Variants in ADAM10 observed in about 807,000 individuals in gnomAD.
The protein encoded by ADAM10 is ADAM metallopeptidase domain 10, also known as disintegrin and metalloproteinase domain-containing protein 10.
In ADAM10, 17 loss-of-function variants were observed where a neutral mutation model predicts 90.1. The observed-to-expected ratio is 0.19, with a 90% CI of 0.13 to 0.28. The LOEUF (loss-of-function observed/expected upper bound fraction) is 0.28, where lower values mean the gene tolerates loss of function less well. ADAM10 is among the 10% of genes least tolerant of loss of function. The pLI is 1.00. For synonymous variants in ADAM10, 310 were observed against 298.6 expected (o/e 1.04, Z -0.40); for missense variants, 610 against 914.3 (o/e 0.67, Z 4.29).
intron 7 of ADAM10, among the ~76,000 whole-genome samples, chr15:58,641,957 C>A (rs1596020187): frequency 6.6e-6 from 1 of 152,130 alleles, no homozygotes; most frequent in African/African-American, 2.4e-5. Context: ...CCATTGAGGG[C>A]AACTGCTTAA....
intron 1 of ADAM10, among the ~76,000 whole-genome samples, chr15:58,725,858 A>G (rs952371378): frequency 2.0e-5 from 3 of 152,178 alleles, no homozygotes; most frequent in Admixed American, 2.0e-4. Context: ...AGAGGAGGTG[A>G]AACGAAGCCC....
chr15:58,691,601 T>C (rs1176771449), intron 2 of ADAM10: 2 of 472,678 alleles, frequency 4.2e-6, no homozygotes, highest in Non-Finnish European at 8.4e-6. Flanking sequence ...TTTTAGAGAA[T>C]ACCTCATCTA....
At chr15:58,731,156 A>G (rs1899223458) in intron 1 of ADAM10, among the ~76,000 whole-genome samples, 1 of 152,176 alleles carries the variant, frequency 6.6e-6, no homozygotes. Context: ...GTTCTGCATT[A>G]GTGGAATTCA....
chr15:58,667,726 G>A (rs1290508165), intron 4 of ADAM10, among the ~76,000 whole-genome samples: 3 of 151,752 alleles, frequency 2.0e-5, no homozygotes, highest in African/African-American at 7.3e-5. Context: ...CATCAACAAG[G>A]ATTCACTGAT....
chr15:58,642,126 T>C (rs1452944600), intron 7 of ADAM10, among the ~76,000 whole-genome samples: 6 of 152,162 alleles, frequency 3.9e-5, no homozygotes, highest in Admixed American at 3.9e-4. Context: ...CCACTAAATA[T>C]AAAAATGAAA....
At chr15:58,611,682 G>A (rs1895442215) in intron 12 of ADAM10, 126 bp downstream of exon 12, 1 of 867,154 alleles carries the variant, frequency 1.2e-6, no homozygotes, top group Non-Finnish European at 1.8e-6. Context: ...ATGGTTTTGT[G>A]AGGGAATATT....
intron 2 of ADAM10, among the ~76,000 whole-genome samples, chr15:58,682,802 T>C (rs1198973161): frequency 6.6e-6 from 1 of 152,174 alleles, no homozygotes; most frequent in African/African-American, 2.4e-5. Context: ...GTATGCTCTT[T>C]GTTTTACCCT....
intron 14 of ADAM10, among the ~76,000 whole-genome samples, chr15:58,602,962 T>C (rs2140990327): frequency 6.6e-6 from 1 of 152,354 alleles, no homozygotes; most frequent in Non-Finnish European, 1.5e-5. Flanking sequence ...TATTTTTAAA[T>C]GCTGGCAAAC....
chr15:58,745,592 C>A (rs1369564986), intron 1 of ADAM10, among the ~76,000 whole-genome samples: 1 of 152,062 alleles, frequency 6.6e-6, no homozygotes, highest in Non-Finnish European at 1.5e-5. Flanking sequence ...TTAAACAAAT[C>A]TTTAAGACTA....
At chr15:58,689,895 T>G (rs1372563976) in intron 2 of ADAM10, among the ~76,000 whole-genome samples, 1 of 136,020 alleles carries the variant, frequency 7.4e-6, no homozygotes, top group Non-Finnish European at 1.5e-5. Flanking sequence ...GAGGGAAGAG[T>G]ACTCAACTCA....
chr15:58,600,800 C>CA (rs1398936749), intron 14 of ADAM10, among the ~76,000 whole-genome samples: 4 of 152,074 alleles, frequency 2.6e-5, no homozygotes, highest in Non-Finnish European at 4.4e-5. Flanking sequence ...TTTACAGCTT[C>CA]AAAACTGAAC....
intron 5 of ADAM10, among the ~76,000 whole-genome samples, chr15:58,651,722 G>A (rs1323429022): frequency 1.3e-5 from 2 of 152,114 alleles, no homozygotes; most frequent in Admixed American, 1.3e-4. Context: ...AACAAACATG[G>A]GAGTGCAGCT....
intron 7 of ADAM10, among the ~76,000 whole-genome samples, chr15:58,643,042 G>A (rs1029072951): frequency 5.9e-5 from 9 of 151,890 alleles, no homozygotes; most frequent in African/African-American, 2.2e-4. Context: ...GGAACCCTGT[G>A]GCAAATACTT....
intron 1 of ADAM10, among the ~76,000 whole-genome samples, chr15:58,739,350 C>CAAAAAAAAA (rs1244592805): frequency 9.9e-6 from 1 of 100,594 alleles, no homozygotes; most frequent in Non-Finnish European, 2.2e-5. Context: ...ACCAAAAATA[C>CAAAAAAAAA]AAAAAAAAAA....
intron 7 of ADAM10, 36 bp downstream of exon 7, chr15:58,643,850 A>C (rs777157534): frequency 1.2e-5 from 17 of 1,448,212 alleles, no homozygotes; most frequent in Non-Finnish European, 1.2e-5. Flanking sequence ...GGACTGTTTC[A>C]CTTTTTAAGT....
At chr15:58,664,107 T>C (rs970164168) in intron 5 of ADAM10, among the ~76,000 whole-genome samples, 5 of 152,092 alleles carry the variant, frequency 3.3e-5, no homozygotes, top group African/African-American at 9.7e-5. Context: ...GGCCTTTGTA[T>C]GTACTGTTCC....
At chr15:58,712,157 A>G (rs1444239347) in intron 2 of ADAM10, among the ~76,000 whole-genome samples, 6 of 152,186 alleles carry the variant, frequency 3.9e-5, no homozygotes, top group Non-Finnish European at 5.9e-5. Flanking sequence ...AGATATTCCA[A>G]CATGTTATAT....
intron 1 of ADAM10, among the ~76,000 whole-genome samples, chr15:58,742,809 G>A (rs1899658541): frequency 6.6e-6 from 1 of 152,160 alleles, no homozygotes; most frequent in East Asian, 1.9e-4. Flanking sequence ...TTGCTTGGAA[G>A]AGCATTAACG....
At chr15:58,687,213 T>C (rs541264094) in intron 2 of ADAM10, among the ~76,000 whole-genome samples, 15 of 152,346 alleles carry the variant, frequency 9.8e-5, no homozygotes, top group African/African-American at 3.6e-4. Context: ...TGGGAGCAGA[T>C]TCTTAGCAAA....
Sources: allele counts gnomAD v4.1 joint callset (sites outside exome capture counted in the v4.1 genomes callset), GRCh38; gene constraint gnomAD v4.1.1; transcripts MANE v1.5; gene names NCBI Gene and HGNC (gene_info 2026-07-23, HGNC 2026-07-21).